Variants in THSD7A observed in about 807,000 individuals in gnomAD.
THSD7A encodes thrombospondin type 1 domain containing 7A.
THSD7A carries 96 observed loss-of-function variants against 231.3 expected under a neutral mutation model. That is an observed-to-expected ratio of 0.41 (90% CI 0.35 to 0.49). The LOEUF (loss-of-function observed/expected upper bound fraction) is 0.49, where lower values mean the gene tolerates loss of function less well. Among genes scored for constraint, THSD7A ranks in the 20% least tolerant of loss-of-function variants. THSD7A has a pLI of 0.05. For synonymous variants in THSD7A, 940 were observed against 743.3 expected, an observed-to-expected ratio of 1.26 and a Z score of -4.30; for missense variants, 2,290 against 2,070.2, an observed-to-expected ratio of 1.11 and a Z score of -2.06.
At chr7:11,518,196 G>A (rs1331727074) in intron 6 of THSD7A, among the ~76,000 whole-genome samples, 2 of 152,182 alleles carry the variant, frequency 1.3e-5, no homozygotes, top group Admixed American at 1.3e-4. Context: ...CTATCTTACA[G>A]TTTAAATTGG....
chr7:11,596,439 C>T (rs1007521484), intron 2 of THSD7A, among the ~76,000 whole-genome samples: 32 of 152,062 alleles, frequency 2.1e-4, no homozygotes, highest in African/African-American at 7.7e-4. Flanking sequence ...ATCCTGTGGT[C>T]GTTTCCCCAG....
chr7:11,788,978 A>G (rs1391732109), intron 1 of THSD7A, among the ~76,000 whole-genome samples: 12 of 151,978 alleles, frequency 7.9e-5, no homozygotes. Flanking sequence ...TCAAACAGGA[A>G]CAAATGTAAT....
chr7:11,770,718 G>A (rs974588889), intron 1 of THSD7A, among the ~76,000 whole-genome samples: 2 of 152,156 alleles, frequency 1.3e-5, no homozygotes, highest in African/African-American at 4.8e-5. Flanking sequence ...ATTACTTTGA[G>A]AAAACTATGC....
intron 1 of THSD7A, among the ~76,000 whole-genome samples, chr7:11,824,110 A>G (rs1245869568): frequency 6.6e-6 from 1 of 152,060 alleles, no homozygotes. Flanking sequence ...ATTAGAAAAG[A>G]TATCTACCTT....
rs190574052 is a variant in THSD7A at position 11,660,600 on chromosome 7, G to T, written c.191-23639C>A. Among the ~76,000 whole-genome samples the T allele has an allele frequency of 3.7e-3, 561 of 151,458 alleles. 13 individuals are homozygous for T. The highest frequency in any genetic ancestry group is 1.9e-3 in the Non-Finnish European group (128 of 67,536). The stretch of plus-strand genomic sequence containing the variant: ...AAAAGTGATACATTACATTAACAAT[G>T]AAATGAAACTGAATAGAAATTAAAT... On this transcript the variant is annotated intron_variant, in intron 1 of 27. Coordinates refer to ENST00000423059, the MANE Select transcript of THSD7A (RefSeq NM_015204.3).
At chr7:11,824,544 T>G (rs1245434927) in intron 1 of THSD7A, among the ~76,000 whole-genome samples, 1 of 152,130 alleles carries the variant, frequency 6.6e-6, no homozygotes, top group African/African-American at 2.4e-5. Flanking sequence ...TGCCATCATT[T>G]TACAAACCAG....
chr7:11,794,797 C>T (rs1011555570), intron 1 of THSD7A, among the ~76,000 whole-genome samples: 7 of 151,982 alleles, frequency 4.6e-5, no homozygotes, highest in Non-Finnish European at 8.8e-5. Flanking sequence ...CCATGTTTGC[C>T]TTCTTTGAAA....
intron 1 of THSD7A, among the ~76,000 whole-genome samples, chr7:11,725,978 T>C (rs947440058): frequency 2.0e-5 from 3 of 152,072 alleles, no homozygotes; most frequent in Non-Finnish European, 4.4e-5. Context: ...GAATTAATAT[T>C]ACAAGAAACA....
At chr7:11,642,037 C>G (rs1310158019) in intron 1 of THSD7A, among the ~76,000 whole-genome samples, 1 of 152,184 alleles carries the variant, frequency 6.6e-6, no homozygotes, top group Non-Finnish European at 1.5e-5. Context: ...CTCTTGAAAA[C>G]TGAGAATTGT....
chr7:11,638,954 C>G (rs1781972040), intron 1 of THSD7A, among the ~76,000 whole-genome samples: 2 of 152,044 alleles, frequency 1.3e-5, no homozygotes, highest in African/African-American at 4.8e-5. Context: ...AAATGAGAAC[C>G]CAGTAATATG....
chr7:11,802,518 T>G (rs1784304330), intron 1 of THSD7A, among the ~76,000 whole-genome samples: 1 of 152,028 alleles, frequency 6.6e-6, no homozygotes, highest in Non-Finnish European at 1.5e-5. Context: ...ATCAGCTCAT[T>G]TAGATTTAAA....
At chr7:11,812,112 T>A (rs1332242594) in intron 1 of THSD7A, among the ~76,000 whole-genome samples, 1 of 137,652 alleles carries the variant, frequency 7.3e-6, no homozygotes, top group African/African-American at 3.0e-5. Context: ...AAATTGTGTG[T>A]GTGTGTGTGT....
chr7:11,428,766 A>T (rs1234882737), intron 14 of THSD7A, among the ~76,000 whole-genome samples, 181 bp downstream of exon 14: 1 of 152,212 alleles, frequency 6.6e-6, no homozygotes, highest in African/African-American at 2.4e-5. Flanking sequence ...ATCTCCAGAG[A>T]ATACAGATAT....
At chr7:11,597,035 A>G (rs1780387237) in intron 2 of THSD7A, among the ~76,000 whole-genome samples, 1 of 152,188 alleles carries the variant, frequency 6.6e-6, no homozygotes, top group Non-Finnish European at 1.5e-5. Flanking sequence ...CACTTCCACA[A>G]AGTATCACAC....
At chr7:11,380,420 A>C (rs1782464621) in intron 24 of THSD7A, among the ~76,000 whole-genome samples, 1 of 152,150 alleles carries the variant, frequency 6.6e-6, no homozygotes, top group Non-Finnish European at 1.5e-5. Context: ...TTCAAACTAT[A>C]CTTGTTCAGT....
At chr7:11,568,027 C>G (rs764541532) in intron 4 of THSD7A, among the ~76,000 whole-genome samples, 2 of 152,100 alleles carry the variant, frequency 1.3e-5, no homozygotes, top group Non-Finnish European at 2.9e-5. Context: ...TTGTTGACTT[C>G]TAATCTACTA....
intron 2 of THSD7A, among the ~76,000 whole-genome samples, chr7:11,613,409 G>T (rs1780999044): frequency 6.6e-6 from 1 of 152,164 alleles, no homozygotes; most frequent in African/African-American, 2.4e-5. Context: ...AATACCAGCA[G>T]CTCTGAACCT....
chr7:11,604,140 A>G (rs1780657526), intron 2 of THSD7A, among the ~76,000 whole-genome samples: 1 of 152,176 alleles, frequency 6.6e-6, no homozygotes, highest in African/African-American at 2.4e-5. Context: ...ATGTTTATGT[A>G]TATAAAATGT....
intron 1 of THSD7A, among the ~76,000 whole-genome samples, chr7:11,714,813 G>C (rs568992458): frequency 4.0e-4 from 61 of 151,320 alleles, no homozygotes; most frequent in African/African-American, 1.3e-3. Context: ...TTCCCATTTA[G>C]CTCTTTTCTA....
Sources: allele counts gnomAD v4.1 joint callset (sites outside exome capture counted in the v4.1 genomes callset), GRCh38; gene constraint gnomAD v4.1.1; transcripts MANE v1.5; gene names NCBI Gene and HGNC (gene_info 2026-07-23, HGNC 2026-07-21).